MTUS2: variants seen among roughly 807,000 people sequenced by gnomAD.
MTUS2 encodes the protein microtubule-associated tumor suppressor candidate 2.
A neutral mutation model predicts 114.1 loss-of-function variants in MTUS2; 40 were observed. That is an observed-to-expected ratio of 0.35 (90% CI 0.27 to 0.46). The LOEUF is 0.46. Among genes scored for constraint, MTUS2 ranks in the 20% least tolerant of loss-of-function variants. MTUS2 has a pLI of 1.00. For synonymous variants in MTUS2, 688 were observed against 672.0 expected (o/e 1.02, Z -0.37); for missense variants, 1,679 against 1,705.4 (o/e 0.98, Z 0.27).
intron 8 of MTUS2, among the ~76,000 whole-genome samples, chr13:29,438,086 T>C (rs796125431): frequency 4.6e-5 from 7 of 152,262 alleles, no homozygotes; most frequent in African/African-American, 1.7e-4. Flanking sequence ...TAATAACAAC[T>C]TACACTTGTA....
At chr13:29,502,351 G>A (rs1395095247) in intron 15 of MTUS2, among the ~76,000 whole-genome samples, 2 of 152,234 alleles carry the variant, frequency 1.3e-5, no homozygotes, top group Admixed American at 1.3e-4. Flanking sequence ...TCACCCACCA[G>A]CCTTTATCGG....
intron 2 of MTUS2, among the ~76,000 whole-genome samples, chr13:28,883,456 A>G (rs193290204): frequency 1.3e-3 from 193 of 152,356 alleles, no homozygotes; most frequent in African/African-American, 4.1e-3. Context: ...ATGGAATACT[A>G]TGTAACAATG....
intron 5 of MTUS2, among the ~76,000 whole-genome samples, chr13:29,118,706 G>A (rs543276622): frequency 2.0e-4 from 31 of 152,308 alleles, no homozygotes; most frequent in Middle Eastern, 3.4e-3. Context: ...CATGGAAATT[G>A]GCATGGCCTT....
intron 5 of MTUS2, among the ~76,000 whole-genome samples, chr13:29,225,761 C>T (rs761076541): frequency 2.6e-5 from 4 of 151,792 alleles, no homozygotes; most frequent in Admixed American, 1.3e-4. Context: ...ATGTGCTGAC[C>T]GAAAGAATAT....
chr13:28,926,155 A>G (rs1203863463), intron 2 of MTUS2, among the ~76,000 whole-genome samples: 1 of 152,192 alleles, frequency 6.6e-6, no homozygotes, highest in Admixed American at 6.5e-5. Context: ...GAGGCAAGCT[A>G]TTGAAGACAC....
chr13:29,026,967 C>T (rs1353963839), intron 3 of MTUS2, 64 bp downstream of exon 3: 8 of 1,445,978 alleles, frequency 5.5e-6, no homozygotes, highest in Non-Finnish European at 7.4e-6. Flanking sequence ...GACATATTTT[C>T]AATGAGTTAT....
intron 2 of MTUS2, among the ~76,000 whole-genome samples, chr13:28,908,505 T>G (rs1880196506): frequency 6.6e-6 from 1 of 151,612 alleles, no homozygotes; most frequent in East Asian, 1.9e-4. Flanking sequence ...TATTCCATGG[T>G]GTATATGTGC....
chr13:29,366,789 G>T (rs2138272818), intron 8 of MTUS2, among the ~76,000 whole-genome samples: 1 of 152,276 alleles, frequency 6.6e-6, no homozygotes, highest in East Asian at 1.9e-4. Flanking sequence ...CCCTCCAGTA[G>T]TTGCCTGTCA....
chr13:29,406,596 C>A (rs551491225), intron 8 of MTUS2, among the ~76,000 whole-genome samples: 1 of 152,162 alleles, frequency 6.6e-6, no homozygotes, highest in Admixed American at 6.5e-5. Context: ...GACATACCAT[C>A]ACCTCTGCTA....
chr13:29,272,581 A>G (rs986733926), intron 5 of MTUS2, among the ~76,000 whole-genome samples: 2 of 152,200 alleles, frequency 1.3e-5, no homozygotes, highest in African/African-American at 2.4e-5. Context: ...CAGAAGCCCT[A>G]AGTTCTCACT....
chr13:28,971,699 C>T (rs1402959733), intron 2 of MTUS2, among the ~76,000 whole-genome samples: 2 of 152,270 alleles, frequency 1.3e-5, no homozygotes, highest in Non-Finnish European at 2.9e-5. Flanking sequence ...TTCTATTTTA[C>T]GCAGGGCTTC....
intron 8 of MTUS2, among the ~76,000 whole-genome samples, chr13:29,437,245 A>G (rs1002748634): frequency 6.6e-6 from 1 of 151,996 alleles, no homozygotes; most frequent in Non-Finnish European, 1.5e-5. Flanking sequence ...AGTCTTTGCA[A>G]CTCTCATTAC....
At chr13:28,902,067 C>G (rs550035912) in intron 2 of MTUS2, among the ~76,000 whole-genome samples, 1 of 152,248 alleles carries the variant, frequency 6.6e-6, no homozygotes, top group South Asian at 2.1e-4. Flanking sequence ...TAAGTACACA[C>G]TTAAGTATTT....
intron 4 of MTUS2, among the ~76,000 whole-genome samples, chr13:29,058,566 CT>C (rs61090328): frequency 0.7 from 81,473 of 115,988 alleles, 24,685 homozygotes; most frequent in South Asian, 0.81. Context: ...CAGGTTGATG[CT>C]TTTTTTTTTT....
intron 2 of MTUS2, among the ~76,000 whole-genome samples, chr13:28,915,707 C>T (rs1027228392): frequency 6.6e-6 from 1 of 151,866 alleles, no homozygotes; most frequent in African/African-American, 2.4e-5. Context: ...AATCCCTTTT[C>T]AGATGGGTGG....
intron 8 of MTUS2, among the ~76,000 whole-genome samples, chr13:29,389,499 A>G (rs1229993236): frequency 9.0e-6 from 1 of 111,620 alleles, no homozygotes; most frequent in Non-Finnish European, 2.0e-5. Context: ...ATGTGTATAT[A>G]TGTATACACG....
intron 2 of MTUS2, among the ~76,000 whole-genome samples, chr13:28,924,828 G>A (rs1010770199): frequency 9.2e-5 from 14 of 152,118 alleles, no homozygotes; most frequent in Admixed American, 3.3e-4. Flanking sequence ...GAAAAAGTGT[G>A]GAAATCACTT....
Position 29,026,170 on chromosome 13 carries a change from G to A in MTUS2, c.1472G>A (p.Ser491Asn), listed in dbSNP as rs754428764. 2 of 1,613,864 alleles carry A rather than the reference G, an allele frequency of 1.2e-6. No homozygotes were observed. The highest frequency in any genetic ancestry group is 1.3e-5 in the African/African-American group (1 of 74,910). The stretch of plus-strand genomic sequence containing the variant: ...GTGCCTGAGCCCCTGGACCCTCAAA[G>A]TGGCCGCTCAGAAGCACGGGAAAGC... ...TEVPEPLDPQSGRSEARESKE... is the reference protein window; with the variant it reads ...TEVPEPLDPQNGRSEARESKE... The change falls in exon 3 of 16, where the codon AGT (serine) becomes AAT (asparagine). Residue 491 changes from serine (S) to asparagine (N), a missense_variant. Physicochemically the swap from Ser to Asn is conservative, Grantham distance 46 (BLOSUM62 1). Around this residue, in one of 3 missense-constraint regions of MTUS2, gnomAD observed 843 missense variants for 770.8 expected, o/e 1.09. Coordinates refer to ENST00000612955, the MANE Select transcript of MTUS2 (RefSeq NM_001033602.4).
chr13:29,219,391 G>C lies in MTUS2; in HGVS notation c.2645-62313G>C, dbSNP rs534742667. On this transcript the variant is annotated intron_variant, in intron 5 of 15. Transcript: ENST00000612955. ...CTATCATTGTTGGACATTTGGGTTG[G>C]TTCCAAGTCTTTGCTATTGTGAATA... is the stretch of plus-strand genomic sequence containing the variant. Among the ~76,000 whole-genome samples, 60 of 150,766 alleles carry C rather than the reference G, an allele frequency of 4.0e-4. 1 individual carries two copies. The highest frequency in any genetic ancestry group is 6.8e-3 in the Middle Eastern group (2 of 294).
Sources: gnomAD v4.1 joint callset for allele counts (sites outside exome capture counted in the v4.1 genomes callset) on GRCh38, gnomAD v4.1.1 for gene constraint, gnomAD v4.1.1 regional missense constraint, MANE v1.5 for transcripts, NCBI Gene and HGNC (gene_info 2026-07-23, HGNC 2026-07-21) for gene names.